CADM2: variants seen among roughly 807,000 people sequenced by gnomAD.
The protein encoded by CADM2 is cell adhesion molecule 2, also known as immunoglobulin superfamily member 4D.
Under a neutral mutation model 49.8 loss-of-function variants are expected in CADM2, and 12 were observed. The observed-to-expected ratio is 0.24, with a 90% CI of 0.15 to 0.39. The LOEUF (loss-of-function observed/expected upper bound fraction) is 0.39. Ranked by LOEUF, CADM2 falls within the 10% of genes least tolerant of loss-of-function variation. The pLI, the probability that CADM2 is intolerant of heterozygous loss-of-function variation, is 1.00. For missense variants in CADM2, 378 were observed against 492.3 expected (o/e 0.77, Z 2.20); for synonymous variants, 214 against 175.4 (o/e 1.22, Z -1.74).
intron 1 of CADM2, among the ~76,000 whole-genome samples, chr3:85,081,271 C>T (rs2037154644): frequency 6.6e-6 from 1 of 151,962 alleles, no homozygotes; most frequent in Non-Finnish European, 1.5e-5. Flanking sequence ...AAACATCTAC[C>T]CACTATGTGA....
At chr3:85,548,800 C>T (rs2061730859) in intron 1 of CADM2, among the ~76,000 whole-genome samples, 1 of 152,068 alleles carries the variant, frequency 6.6e-6, no homozygotes, top group African/African-American at 2.4e-5. Context: ...AAGTCTTTGG[C>T]TGAGCATATA....
chr3:86,060,801 G>C (rs1183161942), intron 8 of CADM2, among the ~76,000 whole-genome samples: 2 of 151,998 alleles, frequency 1.3e-5, no homozygotes, highest in African/African-American at 4.8e-5. Context: ...CACCAATATG[G>C]TGAAACCTCA....
chr3:86,046,434 C>T (rs73136126), intron 8 of CADM2, among the ~76,000 whole-genome samples: 1,585 of 152,106 alleles, frequency 0.01, 22 homozygotes, highest in Middle Eastern at 0.068. Flanking sequence ...AGCATATTTG[C>T]CTAGATGATT....
At chr3:85,885,935 A>T (rs936588012) in intron 4 of CADM2, among the ~76,000 whole-genome samples, 1 of 151,524 alleles carries the variant, frequency 6.6e-6, no homozygotes, top group Non-Finnish European at 1.5e-5. Context: ...TTGATACTAT[A>T]TATATTTATA....
At chr3:84,986,145 T>C (rs976864501) in intron 1 of CADM2, among the ~76,000 whole-genome samples, 4 of 152,226 alleles carry the variant, frequency 2.6e-5, no homozygotes, top group African/African-American at 7.2e-5. Context: ...AAATAACTTA[T>C]CAAGCAACAA....
chr3:85,146,826 C>A (rs1251382024), intron 1 of CADM2, among the ~76,000 whole-genome samples: 1 of 152,066 alleles, frequency 6.6e-6, no homozygotes, highest in Non-Finnish European at 1.5e-5. Context: ...ACATTTCAAA[C>A]TTTACATTTG....
intron 1 of CADM2, among the ~76,000 whole-genome samples, chr3:85,044,137 C>T (rs2035555860): frequency 6.6e-6 from 1 of 152,114 alleles, no homozygotes; most frequent in South Asian, 2.1e-4. Flanking sequence ...AAACATCTGT[C>T]CTTCCACCTA....
intron 2 of CADM2, among the ~76,000 whole-genome samples, chr3:85,788,759 C>T (rs1320473616): frequency 6.6e-6 from 1 of 151,588 alleles, no homozygotes; most frequent in East Asian, 1.9e-4. Flanking sequence ...TCATAACTTT[C>T]CTTATAATCT....
intron 8 of CADM2, chr3:85,992,420 A>ATT (rs983696111): frequency 6.6e-6 from 1 of 152,110 alleles, no homozygotes; most frequent in Non-Finnish European, 1.5e-5. Flanking sequence ...AAGAATAATA[A>ATT]TTTTACAATA....
At chr3:85,375,521 G>A (rs1006226604) in intron 1 of CADM2, among the ~76,000 whole-genome samples, 1 of 152,160 alleles carries the variant, frequency 6.6e-6, no homozygotes, top group Non-Finnish European at 1.5e-5. Context: ...TTACAAGTAT[G>A]TAAAAAAGTT....
At chr3:85,225,086 TC>T (rs1387741535) in intron 1 of CADM2, among the ~76,000 whole-genome samples, 2 of 152,182 alleles carry the variant, frequency 1.3e-5, no homozygotes, top group Non-Finnish European at 2.9e-5. Context: ...CTATGCTCGC[TC>T]TTTTTTGGTT....
chr3:85,874,327 T>C (rs1227466845), intron 3 of CADM2, among the ~76,000 whole-genome samples: 1 of 152,140 alleles, frequency 6.6e-6, no homozygotes, highest in Non-Finnish European at 1.5e-5. Flanking sequence ...TCACAGAATA[T>C]GGGATTCTGT....
intron 1 of CADM2, among the ~76,000 whole-genome samples, chr3:85,449,052 A>AAATTAATAATAAT (rs1553724926): frequency 1.9e-5 from 2 of 107,406 alleles, no homozygotes; most frequent in African/African-American, 5.8e-5. Context: ...TCCAACTCAA[A>AAATTAATAATAAT]AATAATAATA....
chr3:85,536,139 A>C (rs1485357381), intron 1 of CADM2, among the ~76,000 whole-genome samples: 2 of 152,100 alleles, frequency 1.3e-5, no homozygotes, highest in Non-Finnish European at 2.9e-5. Flanking sequence ...TTGTGTGTTT[A>C]AGGGATTAAC....
At chr3:85,573,425 C>T (rs1251109422) in intron 1 of CADM2, among the ~76,000 whole-genome samples, 1 of 152,060 alleles carries the variant, frequency 6.6e-6, no homozygotes, top group Non-Finnish European at 1.5e-5. Flanking sequence ...CTTCTGATCT[C>T]AGGTGACCCA....
At chr3:85,068,521 T>G (rs2036603381) in intron 1 of CADM2, among the ~76,000 whole-genome samples, 1 of 152,110 alleles carries the variant, frequency 6.6e-6, no homozygotes, top group Admixed American at 6.6e-5. Flanking sequence ...AAATAGGAAA[T>G]TATCCCAATG....
intron 8 of CADM2, among the ~76,000 whole-genome samples, chr3:86,059,113 A>AT (rs1357074506): frequency 6.2e-5 from 9 of 146,240 alleles, no homozygotes; most frequent in Admixed American, 6.9e-5. Context: ...AAAAAAAAAA[A>AT]TTCCAACACT....
intron 1 of CADM2, among the ~76,000 whole-genome samples, chr3:85,265,023 A>G (rs1173934152): frequency 6.6e-6 from 1 of 152,024 alleles, no homozygotes; most frequent in Non-Finnish European, 1.5e-5. Flanking sequence ...CGAATTAGAT[A>G]AAATAACATA....
At chr3:85,107,494 C>T (rs780178214) in intron 1 of CADM2, among the ~76,000 whole-genome samples, 1 of 152,102 alleles carries the variant, frequency 6.6e-6, no homozygotes, top group Non-Finnish European at 1.5e-5. Context: ...AATTAGGTCC[C>T]TTAAGCATTG....
Sources: gnomAD v4.1 joint callset for allele counts (sites outside exome capture counted in the v4.1 genomes callset) on GRCh38, gnomAD v4.1.1 for gene constraint, MANE v1.5 for transcripts, NCBI Gene and HGNC (gene_info 2026-07-23, HGNC 2026-07-21) for gene names.